PFKFB3: variants seen among roughly 807,000 people sequenced by gnomAD.
PFKFB3 encodes 6-phosphofructo-2-kinase/fructose-2,6-biphosphatase 3.
In PFKFB3, 33 loss-of-function variants were observed where a neutral mutation model predicts 68.0. That is an observed-to-expected ratio of 0.49 (90% CI 0.37 to 0.65). The LOEUF (loss-of-function observed/expected upper bound fraction) is 0.65, where lower values mean the gene tolerates loss of function less well. Ranked by LOEUF, PFKFB3 falls within the 30% of genes least tolerant of loss-of-function variation. The pLI, the probability that PFKFB3 is intolerant of heterozygous loss-of-function variation, is 0.00. For missense variants in PFKFB3, 586 were observed against 712.2 expected, an observed-to-expected ratio of 0.82 and a Z score of 2.02; for synonymous variants, 315 against 288.2, an observed-to-expected ratio of 1.09 and a Z score of -0.94.
At position 6,152,202 on chromosome 10, in the gene PFKFB3, C is replaced by T. The variant is rs997481010; in HGVS notation, c.16+7189C>T. ...ACACTTTTGAGATGCCTGTTCCGGG[C>T]ATCACCTCCCACTGCAGAGCCTGGG... is the stretch of plus-strand genomic sequence containing the variant. On this transcript the variant is annotated intron_variant, in intron 1 of 14. Coordinates refer to the PFKFB3 transcript ENST00000379789. 14 of 154,316 alleles carry T rather than the reference C, an allele frequency of 9.1e-5. No homozygotes were observed. The Admixed American group carries it at 9.2e-4, about 10-fold the overall frequency. 9.6% of individuals were successfully genotyped at this position (154,316 alleles called of 1,614,324 possible).
chr10:6,263,372 C>T, the PFKFB3 span, among the ~76,000 whole-genome samples: 3 of 152,264 alleles, frequency 2.0e-5, no homozygotes, highest in Non-Finnish European at 4.4e-5. Flanking sequence ...AAACCCACAA[C>T]CTTCCAGCGT....
At chr10:6,237,652 G>A (rs769786306), downstream of PFKFB3, among the ~76,000 whole-genome samples, 21 of 152,086 alleles carry the variant, frequency 1.4e-4, no homozygotes, top group African/African-American at 5.1e-4. Flanking sequence ...TGCAACCTCC[G>A]TCTCCAGGGC....
chr10:6,308,482 C>T, the PFKFB3 span, among the ~76,000 whole-genome samples: 2 of 152,152 alleles, frequency 1.3e-5, no homozygotes, highest in Non-Finnish European at 1.5e-5. Context: ...TGCCACTGCA[C>T]TCCAGCCTGG....
chr10:6,208,682 C>T (rs987433883), intron 1 of PFKFB3, among the ~76,000 whole-genome samples: 24 of 152,040 alleles, frequency 1.6e-4, no homozygotes, highest in African/African-American at 5.6e-4. Context: ...ACAGGCTGTG[C>T]GGGCTGCTGC....
chr10:6,297,403 G>A, the PFKFB3 span, among the ~76,000 whole-genome samples: 1 of 152,192 alleles, frequency 6.6e-6, no homozygotes, highest in Non-Finnish European at 1.5e-5. Context: ...GGCCACATCC[G>A]TGAGCACTTT....
At chr10:6,303,607 G>A in the PFKFB3 span, among the ~76,000 whole-genome samples, 1 of 152,000 alleles carries the variant, frequency 6.6e-6, no homozygotes, top group Non-Finnish European at 1.5e-5. Context: ...GAGGTCAGGA[G>A]TTCGAGACCA....
At chr10:6,189,007 TA>T (rs1269352183) in intron 1 of PFKFB3, among the ~76,000 whole-genome samples, 1 of 151,940 alleles carries the variant, frequency 6.6e-6, no homozygotes, top group Non-Finnish European at 1.5e-5. Flanking sequence ...GCTAATTTTT[TA>T]AAAAAATTTT....
chr10:6,205,388 C>CTTTT lies in PFKFB3; in HGVS notation c.76+2071_76+2074dup, dbSNP rs3084014. Reference sequence around the variant, plus strand: ...ACATTGGGTGGGTTTTTCTTTCTTCCTTTTTTTTTTTTTTTTTTTTTTGAC... The same window carrying CTTTT: ...ACATTGGGTGGGTTTTTCTTTCTTCCTTTTTTTTTTTTTTTTTTTTTTTTTTGAC... On this transcript the variant is annotated intron_variant, in intron 1 of 14. Coordinates refer to ENST00000379775, the MANE Select transcript of PFKFB3 (RefSeq NM_004566.4). Among the ~76,000 whole-genome samples, 517 of 106,466 alleles carry CTTTT rather than the reference C, an allele frequency of 4.9e-3. 11 individuals carry two copies. The highest frequency in any genetic ancestry group is 7.9e-3 in the African/African-American group (213 of 27,132). 69.8% of individuals were successfully genotyped at this position (106,466 alleles called of 152,430 possible). A position where few individuals can be genotyped will look rare whatever the true frequency, so the allele number is the denominator to read the frequency against.
At chr10:6,209,213 C>T (rs1045638768) in intron 1 of PFKFB3, among the ~76,000 whole-genome samples, 3 of 152,134 alleles carry the variant, frequency 2.0e-5, no homozygotes, top group Admixed American at 6.5e-5. Context: ...ACTTTGAGCT[C>T]GAGTCCCCCA....
At chr10:6,311,293 C>T in the PFKFB3 span, among the ~76,000 whole-genome samples, 1 of 152,128 alleles carries the variant, frequency 6.6e-6, no homozygotes, top group African/African-American at 2.4e-5. Flanking sequence ...CCCTATCTCC[C>T]TGCATGGGCC....
chr10:6,285,469 G>C, the PFKFB3 span, among the ~76,000 whole-genome samples: 1 of 152,138 alleles, frequency 6.6e-6, no homozygotes, highest in African/African-American at 2.4e-5. Flanking sequence ...CTGCCCTCAA[G>C]TGATCCACCT....
intron 1 of PFKFB3, among the ~76,000 whole-genome samples, chr10:6,196,052 G>C (rs1843167149): frequency 6.6e-6 from 1 of 152,054 alleles, no homozygotes; most frequent in South Asian, 2.1e-4. Flanking sequence ...CTATTCGGGG[G>C]AGAGGGCGGG....
intron 1 of PFKFB3, 72 bp from the exon 2 acceptor site, chr10:6,213,551 G>T (rs894116013): frequency 1.9e-5 from 29 of 1,519,744 alleles, no homozygotes; most frequent in Non-Finnish European, 2.5e-5. Flanking sequence ...CAGTGTTATT[G>T]TTGGGTGTGG....
At chr10:6,291,959 T>C in the PFKFB3 span, among the ~76,000 whole-genome samples, 1 of 146,248 alleles carries the variant, frequency 6.8e-6, no homozygotes, top group African/African-American at 2.5e-5. Flanking sequence ...TTTTTTTTTT[T>C]TTTTTTTTTT....
intron 1 of PFKFB3, among the ~76,000 whole-genome samples, chr10:6,145,872 C>A (rs1054180131): frequency 2.0e-5 from 3 of 152,198 alleles, no homozygotes; most frequent in Non-Finnish European, 4.4e-5. Context: ...CCCAGCGCAC[C>A]GGACCCCGGT....
At chr10:6,146,536 GCT>G in intron 1 of PFKFB3, 1 of 1,515,298 alleles carries the variant, frequency 6.6e-7, no homozygotes, top group Non-Finnish European at 8.9e-7. Context: ...TTCTCTGGAG[GCT>G]CTCAGAGTGT....
chr10:6,179,652 G>A (rs1021537483), intron 1 of PFKFB3, among the ~76,000 whole-genome samples: 6 of 152,184 alleles, frequency 3.9e-5, no homozygotes, highest in South Asian at 2.1e-4. Context: ...GGAAGAACCC[G>A]TCTCCCCTCA....
intron 1 of PFKFB3, among the ~76,000 whole-genome samples, chr10:6,191,108 A>G (rs925818886): frequency 1.5e-4 from 23 of 152,130 alleles, no homozygotes; most frequent in Non-Finnish European, 2.9e-4. Context: ...ACAGTGATCA[A>G]TTGTGGGTAT....
At chr10:6,305,005 ATTTTTTTT>A in the PFKFB3 span, among the ~76,000 whole-genome samples, 59 of 14,526 alleles carry the variant, frequency 4.1e-3, 1 homozygote, top group Non-Finnish European at 5.2e-3. Flanking sequence ...AATATTAGGA[ATTTTTTTT>A]TTTTTTTTTT....
Sources: gnomAD v4.1 joint callset for allele counts (sites outside exome capture counted in the v4.1 genomes callset) on GRCh38, gnomAD v4.1.1 for gene constraint, MANE v1.5 for transcripts, NCBI Gene and HGNC (gene_info 2026-07-23, HGNC 2026-07-21) for gene names.